MAEL: variants seen among roughly 807,000 people sequenced by gnomAD.
MAEL encodes the protein maelstrom spermatogenic transposon silencer, also known as protein maelstrom homolog.
A neutral mutation model predicts 62.0 loss-of-function variants in MAEL; 46 were observed. The ratio of observed to expected loss-of-function variants is 0.74; its 90% CI spans 0.59 to 0.95. MAEL has a LOEUF of 0.95. Ranked by LOEUF, MAEL falls within the 40% of genes least tolerant of loss-of-function variation. The pLI, the probability that MAEL is intolerant of heterozygous loss-of-function variation, is 0.00. For synonymous variants in MAEL, 172 were observed against 175.5 expected (o/e 0.98, Z 0.16); for missense variants, 497 against 526.8 (o/e 0.94, Z 0.55).
In MAEL at chr1:166,998,111, C is replaced by T. The variant is rs184806077; in HGVS notation, c.523+4042C>T. ...TAGTTTGATGATATAGATAAGCCCC[C>T]GACCTCATTCTTTTGGAATATCATG... On this transcript the variant is annotated intron_variant, in intron 5 of 11. Transcript: ENST00000367872. Among the ~76,000 whole-genome samples, 29 of 152,248 alleles carry T rather than the reference C, an allele frequency of 1.9e-4. 1 individual carries two copies. The East Asian group carries it at 3.1e-3, about 16-fold the overall frequency.
chr1:167,022,053 T>A lies in MAEL; in HGVS notation c.*198T>A, dbSNP rs1192191066. 2.0e-6 allele frequency: 1 copy of A among 511,720 alleles called. No homozygotes were observed. The highest frequency in any genetic ancestry group is 1.9e-5 in the African/African-American group (1 of 51,604). 31.7% of individuals were successfully genotyped at this position (511,720 alleles called of 1,614,324 possible). A position where few individuals can be genotyped will look rare whatever the true frequency, so the allele number is the denominator to read the frequency against. On this transcript the variant is annotated 3_prime_UTR_variant, in exon 12 of 12. Coordinates refer to ENST00000367872, the MANE Select transcript of MAEL (RefSeq NM_032858.3). ...ATTTGTGCTTTTTTTCTTGAGGGATTGTTCTGCTTCCTGGCTGTATGATGG... is the reference window on the plus strand; with the variant it reads ...ATTTGTGCTTTTTTTCTTGAGGGATAGTTCTGCTTCCTGGCTGTATGATGG...
At chr1:166,978,408 A>G (rs935721783) in intron 1 of MAEL, among the ~76,000 whole-genome samples, 11 of 152,186 alleles carry the variant, frequency 7.2e-5, no homozygotes, top group Non-Finnish European at 1.5e-5. Flanking sequence ...AATGATTCAA[A>G]ACATGTAGCC....
chr1:167,003,729 A>G (rs1049479632), intron 5 of MAEL, among the ~76,000 whole-genome samples: 4 of 152,152 alleles, frequency 2.6e-5, no homozygotes, highest in Non-Finnish European at 4.4e-5. Context: ...TCTGTGGGAA[A>G]GTTGGTCTAA....
intron 1 of MAEL, among the ~76,000 whole-genome samples, chr1:166,980,099 C>G (rs1038484560): frequency 6.6e-6 from 1 of 152,172 alleles, no homozygotes; most frequent in Admixed American, 6.5e-5. Context: ...TCACTGCAAC[C>G]TTGAACTCCT....
intron 10 of MAEL, among the ~76,000 whole-genome samples, chr1:167,019,841 C>G (rs1172357275): frequency 2.0e-5 from 3 of 151,936 alleles, no homozygotes; most frequent in Admixed American, 2.0e-4. Context: ...ATTCTTAGAG[C>G]AACACCAATC....
At chr1:167,018,132 T>C (rs145298994) in intron 10 of MAEL, among the ~76,000 whole-genome samples, 173 bp downstream of exon 10, 9 of 152,308 alleles carry the variant, frequency 5.9e-5, no homozygotes, top group Admixed American at 2.0e-4. Context: ...GTGTCTTGTG[T>C]AAAATTCTTT....
In MAEL at chr1:166,995,213, T is replaced by C. The variant is rs185079051; in HGVS notation, c.523+1144T>C. On this transcript the variant is annotated intron_variant, in intron 5 of 11. Coordinates refer to ENST00000367872, the MANE Select transcript of MAEL (RefSeq NM_032858.3). ...GGGCTGTAGGCTATGGAATAAGAAA[T>C]GTAAGGGAGAATTGTTCTAGTAGTT... Among the ~76,000 whole-genome samples, 816 of 152,110 alleles carry C rather than the reference T, an allele frequency of 5.4e-3. 4 individuals are homozygous for C. Among genetic ancestry groups the C allele is most frequent in the Non-Finnish European group, 8.6e-3 (583 of 67,966 alleles).
intron 6 of MAEL, among the ~76,000 whole-genome samples, chr1:167,004,653 A>G (rs982249157): frequency 6.6e-6 from 1 of 152,174 alleles, no homozygotes; most frequent in Non-Finnish European, 1.5e-5. Context: ...CTTTTCTTCA[A>G]AACTGTCTTT....
chr1:167,013,236 A>C (rs1446971567), intron 8 of MAEL, among the ~76,000 whole-genome samples: 1 of 152,204 alleles, frequency 6.6e-6, no homozygotes, highest in East Asian at 1.9e-4. Context: ...CTGAAGATAC[A>C]GTACAGGAAG....
intron 8 of MAEL, among the ~76,000 whole-genome samples, chr1:167,006,770 G>A (rs548549741): frequency 1.3e-5 from 2 of 150,848 alleles, no homozygotes; most frequent in South Asian, 2.1e-4. Flanking sequence ...CGAGTAGTTG[G>A]GATTACAGGC....
At chr1:166,993,719 C>CT (rs1664289127) in intron 4 of MAEL, among the ~76,000 whole-genome samples, 3 of 152,196 alleles carry the variant, frequency 2.0e-5, no homozygotes, top group South Asian at 2.1e-4. Context: ...TATCAATGCC[C>CT]TTATGACCCC....
At chr1:166,988,847 T>C (rs769686979), upstream of MAEL, among the ~76,000 whole-genome samples, 1 of 152,220 alleles carries the variant, frequency 6.6e-6, no homozygotes, top group Non-Finnish European at 1.5e-5. Flanking sequence ...GTTGCTTCAC[T>C]GGTTTTTGTC....
intron 5 of MAEL, among the ~76,000 whole-genome samples, chr1:166,998,700 T>C (rs1664531932): frequency 6.6e-6 from 1 of 152,198 alleles, no homozygotes; most frequent in African/African-American, 2.4e-5. Context: ...GCACACCTTG[T>C]TTTATTGCAT....
chr1:166,992,831 T>A lies in MAEL; in HGVS notation c.471T>A (p.Phe157Leu). 6.3e-7 allele frequency: 1 copy of A among 1,594,502 alleles called. No homozygotes were observed. Among genetic ancestry groups the A allele is most frequent in the Non-Finnish European group, 8.5e-7 (1 of 1,174,174 alleles). The change falls in exon 4 of 12, where the codon TTT becomes TTA. Residue 157 changes from phenylalanine to leucine, a missense_variant. Phe to Leu is a conservative substitution (Grantham distance 22). Transcript: ENST00000367872. ...GTATTATGGCAGATTTCCACAGTTT[T>A]ATAAATCCTGGTAAGTAGTCAGAGT... ...QEGIMADFHS[F>L]INPGEIPRGF...
chr1:167,005,546 G>A, intron 8 of MAEL, 149 bp downstream of exon 8: 2 of 667,376 alleles, frequency 3.0e-6, no homozygotes, highest in Non-Finnish European at 4.9e-6. Context: ...TTCATTGATA[G>A]TAAGATATAT....
At chr1:167,014,421 C>T (rs745946132) in intron 8 of MAEL, among the ~76,000 whole-genome samples, 2 of 152,116 alleles carry the variant, frequency 1.3e-5, no homozygotes, top group Non-Finnish European at 2.9e-5. Context: ...GGGAAAGTTT[C>T]TGTGGGAAAT....
upstream of MAEL, among the ~76,000 whole-genome samples, chr1:166,987,233 A>G (rs1367682311): frequency 1.3e-5 from 2 of 152,174 alleles, no homozygotes; most frequent in Non-Finnish European, 2.9e-5. Context: ...TCTGATTTTT[A>G]TAACTACAGT....
upstream of MAEL, chr1:166,989,256 C>G (rs1468692442): frequency 8.3e-6 from 12 of 1,450,972 alleles, no homozygotes; most frequent in Middle Eastern, 2.2e-4. Flanking sequence ...TTGCGGGCTG[C>G]GTGCGCAGGC....
Position 166,989,545 on chromosome 1 carries a change from C to T in MAEL, c.132+61C>T, listed in dbSNP as rs1664067567. ...CAGTTGGGCAAGCCGGAGGGTGAGG[C>T]GGGAGGGCAGAAGGCCTCGAGGAGG... On this transcript the variant is annotated intron_variant, in intron 1 of 11. Coordinates refer to ENST00000367872, the MANE Select transcript of MAEL (RefSeq NM_032858.3). The T allele has an allele frequency of 3.9e-6, 6 of 1,552,972 alleles. No individual in the cohort carries two copies. The East Asian group carries it at 1.2e-4, about 31-fold the overall frequency.
Sources: allele counts gnomAD v4.1 joint callset (sites outside exome capture counted in the v4.1 genomes callset), GRCh38; gene constraint gnomAD v4.1.1; transcripts MANE v1.5; gene names NCBI Gene and HGNC (gene_info 2026-07-23, HGNC 2026-07-21).